MED27: variants seen among roughly 807,000 people sequenced by gnomAD.
MED27 encodes the protein mediator complex subunit 27.
Under a neutral mutation model 38.2 loss-of-function variants are expected in MED27, and 30 were observed. The observed-to-expected ratio is 0.79, with a 90% CI of 0.59 to 1.07. MED27 has a LOEUF of 1.07. Ranked by LOEUF, MED27 falls within the 50% of genes least tolerant of loss-of-function variation. The pLI is 0.00. For synonymous variants in MED27, 122 were observed against 153.5 expected (o/e 0.79, Z 1.52); for missense variants, 289 against 397.5 (o/e 0.73, Z 2.32).
intron 5 of MED27, among the ~76,000 whole-genome samples, chr9:131,890,893 C>T (rs1331523305): frequency 3.3e-5 from 5 of 152,224 alleles, no homozygotes; most frequent in African/African-American, 1.2e-4. Context: ...TTGTGCAGTG[C>T]CTGCCTGACC....
intron 2 of MED27, among the ~76,000 whole-genome samples, chr9:132,052,036 T>A (rs146774345): frequency 1.8e-4 from 27 of 152,250 alleles, no homozygotes; most frequent in Non-Finnish European, 3.2e-4. Flanking sequence ...ACTTGCCTCA[T>A]CCAGCCCAAG....
intron 3 of MED27, among the ~76,000 whole-genome samples, chr9:131,944,672 C>T (rs550935847): frequency 3.9e-4 from 60 of 152,122 alleles, no homozygotes; most frequent in Admixed American, 9.2e-4. Flanking sequence ...GCTGGGATTA[C>T]AGGCACCCGC....
At chr9:132,058,883 C>T (rs899872292) in intron 2 of MED27, among the ~76,000 whole-genome samples, 9 of 152,202 alleles carry the variant, frequency 5.9e-5, no homozygotes, top group African/African-American at 2.2e-4. Context: ...TGAAAATTAC[C>T]TGTGGCAGTG....
At chr9:132,063,165 C>T (rs185236303) in intron 2 of MED27, among the ~76,000 whole-genome samples, 8 of 152,282 alleles carry the variant, frequency 5.3e-5, no homozygotes, top group Non-Finnish European at 1.0e-4. Flanking sequence ...TTCCAGAGCA[C>T]GCCAGGCTGC....
intron 2 of MED27, among the ~76,000 whole-genome samples, chr9:132,063,151 T>G (rs1683883559): frequency 6.6e-6 from 1 of 152,192 alleles, no homozygotes; most frequent in African/African-American, 2.4e-5. Flanking sequence ...CACTAGGAAG[T>G]GCCTTCCAGA....
chr9:132,063,971 C>G (rs566892873), intron 2 of MED27, among the ~76,000 whole-genome samples: 2 of 152,200 alleles, frequency 1.3e-5, no homozygotes, highest in Non-Finnish European at 2.9e-5. Flanking sequence ...AACGCACTTC[C>G]GCCTTGTTGC....
chr9:131,873,658 A>G (rs1184289221), intron 6 of MED27, among the ~76,000 whole-genome samples: 1 of 152,208 alleles, frequency 6.6e-6, no homozygotes, highest in Non-Finnish European at 1.5e-5. Context: ...ACTGTCCACC[A>G]GAGCCAGGCA....
At chr9:131,895,265 C>CA (rs1829812215) in intron 4 of MED27, among the ~76,000 whole-genome samples, 1 of 152,202 alleles carries the variant, frequency 6.6e-6, no homozygotes, top group South Asian at 2.1e-4. Flanking sequence ...ACGCAGACCC[C>CA]AGCCTGGGAC....
At chr9:131,988,458 A>G (rs1479109196) in intron 3 of MED27, among the ~76,000 whole-genome samples, 2 of 152,236 alleles carry the variant, frequency 1.3e-5, no homozygotes, top group Non-Finnish European at 2.9e-5. Flanking sequence ...GCTCCTCAAC[A>G]TGAAGACAAT....
intron 1 of MED27, among the ~76,000 whole-genome samples, chr9:132,078,075 A>T (rs902234668): frequency 1.3e-5 from 2 of 152,246 alleles, no homozygotes; most frequent in Admixed American, 1.3e-4. Context: ...TTAACAAAAC[A>T]AAGAAGAGAT....
At chr9:131,937,086 G>A (rs1200884025) in intron 4 of MED27, among the ~76,000 whole-genome samples, 2 of 152,282 alleles carry the variant, frequency 1.3e-5, no homozygotes, top group Admixed American at 6.5e-5. Context: ...GTAGGTAGTG[G>A]GGGAGGTGGC....
intron 3 of MED27, among the ~76,000 whole-genome samples, chr9:131,955,674 C>A (rs1318674529): frequency 1.3e-5 from 2 of 152,160 alleles, no homozygotes; most frequent in Admixed American, 6.5e-5. Context: ...AGTTATATAA[C>A]TGACATGAGA....
chr9:131,894,119 C>T lies in MED27; in HGVS notation c.574-127G>A, dbSNP rs1829783820. 6 of 651,608 alleles carry T rather than the reference C, an allele frequency of 9.2e-6. 1 individual carries two copies. In the Admixed American group the frequency reaches 1.4e-4, roughly 15 times the overall value. The allele number at this position is 651,608 out of a possible 1,614,324, so 40.4% of individuals were successfully genotyped here. ...ATTCATGGTGCTGGCCCTGTGGATCCTCCAGCACTGGAAAATGAACTCTCA... is the reference window on the plus strand; with the variant it reads ...ATTCATGGTGCTGGCCCTGTGGATCTTCCAGCACTGGAAAATGAACTCTCA... On this transcript the variant is annotated intron_variant, in intron 4 of 7. Transcript: ENST00000292035.
At chr9:131,959,619 C>T (rs1302617618) in intron 3 of MED27, among the ~76,000 whole-genome samples, 1 of 152,072 alleles carries the variant, frequency 6.6e-6, no homozygotes, top group Admixed American at 6.5e-5. Flanking sequence ...CTAGTCAGTT[C>T]GATACACATT....
chr9:131,930,776 T>C (rs1830570155), intron 4 of MED27, among the ~76,000 whole-genome samples: 1 of 152,064 alleles, frequency 6.6e-6, no homozygotes, highest in African/African-American at 2.4e-5. Context: ...GACTAAACAA[T>C]GATCCAATCA....
intron 1 of MED27, 110 bp from the exon 2 acceptor site, chr9:132,077,696 TAAG>T (rs1406369920): frequency 6.4e-6 from 7 of 1,096,736 alleles, no homozygotes; most frequent in Non-Finnish European, 8.9e-6. Context: ...AGAAGTCCCT[TAAG>T]AAGAAATACT....
intron 2 of MED27, among the ~76,000 whole-genome samples, chr9:132,015,824 C>A (rs1832590316): frequency 6.6e-6 from 1 of 152,118 alleles, no homozygotes; most frequent in African/African-American, 2.4e-5. Context: ...TGAAAGGTAT[C>A]CCAATTTTGA....
chr9:131,964,604 G>A (rs1831301400), intron 3 of MED27, among the ~76,000 whole-genome samples: 1 of 152,126 alleles, frequency 6.6e-6, no homozygotes, highest in Admixed American at 6.5e-5. Context: ...AAGAACAAGA[G>A]AAAGAAGGCG....
chr9:132,054,023 T>A (rs1367092138), intron 2 of MED27, among the ~76,000 whole-genome samples: 1 of 151,942 alleles, frequency 6.6e-6, no homozygotes, highest in African/African-American at 2.4e-5. Context: ...TAAAAAGATA[T>A]CAAGTAATCA....
Sources: allele counts gnomAD v4.1 joint callset (sites outside exome capture counted in the v4.1 genomes callset), GRCh38; gene constraint gnomAD v4.1.1; transcripts MANE v1.5; gene names NCBI Gene and HGNC (gene_info 2026-07-23, HGNC 2026-07-21).